ERRFI1: variants seen among roughly 807,000 people sequenced by gnomAD.
ERRFI1 encodes the protein ERBB receptor feedback inhibitor 1, also known as mitogen-inducible gene 6 protein.
In ERRFI1, 12 loss-of-function variants were observed where a neutral mutation model predicts 14.6. The ratio of observed to expected loss-of-function variants is 0.82; its 90% CI spans 0.53 to 1.33. The LOEUF (loss-of-function observed/expected upper bound fraction) is 1.33. Among genes scored for constraint, ERRFI1 ranks in the 40% most tolerant of loss-of-function variants. ERRFI1 has a pLI of 0.00. For missense variants in ERRFI1, 482 were observed against 572.1 expected (o/e 0.84, Z 1.61); for synonymous variants, 202 against 209.9 (o/e 0.96, Z 0.32).
intron 1 of ERRFI1, among the ~76,000 whole-genome samples, chr1:8,019,736 A>C (rs957869277): frequency 6.6e-6 from 1 of 152,212 alleles, no homozygotes; most frequent in African/African-American, 2.4e-5. Context: ...CAACCTTAGG[A>C]TATGTAACAG....
At chr1:8,025,611 A>C (rs1641334360) in intron 1 of ERRFI1, among the ~76,000 whole-genome samples, 1 of 152,090 alleles carries the variant, frequency 6.6e-6, no homozygotes, top group African/African-American at 2.4e-5. Context: ...TCAAGACAGG[A>C]TTTACGGGTA....
chr1:8,023,232 C>G (rs1334119582), intron 1 of ERRFI1, among the ~76,000 whole-genome samples: 1 of 152,140 alleles, frequency 6.6e-6, no homozygotes, highest in Non-Finnish European at 1.5e-5. Flanking sequence ...CCTATTGTTT[C>G]CAAGTTGAAA....
intron 1 of ERRFI1, among the ~76,000 whole-genome samples, chr1:8,020,430 G>A (rs1641258661): frequency 6.6e-6 from 1 of 151,958 alleles, no homozygotes; most frequent in African/African-American, 2.4e-5. Flanking sequence ...TTAGGAATAT[G>A]ACAAACTCCA....
At position 8,013,126 on chromosome 1, in the gene ERRFI1, G is replaced by A; in HGVS notation, c.*84C>T. On this transcript the variant is annotated 3_prime_UTR_variant, in exon 4 of 4. Transcript: ENST00000377482. This position sits in a 1 kb window ranked among gnomAD's most constrained non-coding sequence, Gnocchi z 4.3. ...AACTATTTTATTTTGCAATCTAAGG[G>A]ATTTTTCTCTGCACTTCAATCAAAC... is the stretch of plus-strand genomic sequence containing the variant. 1.7e-6 allele frequency: 2 copies of A among 1,196,914 alleles called. No individual in the cohort carries two copies. Among genetic ancestry groups the A allele is most frequent in the Non-Finnish European group, 2.4e-6 (2 of 849,568 alleles). The allele number at this position is 1,196,914 out of a possible 1,614,324, so 74.1% of individuals were successfully genotyped here. A position where few individuals can be genotyped will look rare whatever the true frequency, so the allele number is the denominator to read the frequency against.
In ERRFI1 at chr1:8,012,610, T is replaced by C. The variant is rs895999349; in HGVS notation, c.*600A>G. ...AACCTGGAAGTATGAGGCCTTGGTA[T>C]GATTTTTAACCTAAGCAGGTACACC... On this transcript the variant is annotated 3_prime_UTR_variant, in exon 4 of 4. Coordinates refer to ENST00000377482, the MANE Select transcript of ERRFI1 (RefSeq NM_018948.4). 3 of 227,618 alleles carry C rather than the reference T, an allele frequency of 1.3e-5. No individual in the cohort carries two copies. The highest frequency in any genetic ancestry group is 4.4e-5 in the African/African-American group (2 of 45,032). 14.1% of individuals were successfully genotyped at this position (227,618 alleles called of 1,614,324 possible).
At chr1:8,017,421 C>T (rs1033488838) in intron 1 of ERRFI1, among the ~76,000 whole-genome samples, 1 of 152,080 alleles carries the variant, frequency 6.6e-6, no homozygotes, top group Non-Finnish European at 1.5e-5. Context: ...ATAAAGAAAA[C>T]ATTGTCATTT....
chr1:8,025,428 A>C (rs1055462023), intron 1 of ERRFI1, among the ~76,000 whole-genome samples: 1 of 152,238 alleles, frequency 6.6e-6, no homozygotes, highest in East Asian at 1.9e-4. Context: ...CTCAGAGCAA[A>C]GAATCACGTT....
At chr1:8,020,326 CCATTT>C (rs1641257533) in intron 1 of ERRFI1, among the ~76,000 whole-genome samples, 1 of 151,966 alleles carries the variant, frequency 6.6e-6, no homozygotes, top group South Asian at 2.1e-4. Flanking sequence ...CTTTTCAGTT[CCATTT>C]AAGAATCACC....
At chr1:8,017,984 G>A (rs1398051004) in intron 1 of ERRFI1, among the ~76,000 whole-genome samples, 1 of 152,058 alleles carries the variant, frequency 6.6e-6, no homozygotes, top group African/African-American at 2.4e-5. Context: ...CTACTTGTTA[G>A]CTTTCTTAAG....
rs971892363 is a variant in ERRFI1, at chr1:8,012,430, G to A, written c.*780C>T. On this transcript the variant is annotated 3_prime_UTR_variant, in exon 4 of 4. Transcript: ENST00000377482. ...CCTCTAATACGGCCCGCACTACGAT[G>A]AGCTACTTCAGTGGGTGGGACCAAG... The A allele has an allele frequency of 1.7e-5, 4 of 230,576 alleles. No homozygotes were observed. The highest frequency in any genetic ancestry group is 3.4e-5 in the Non-Finnish European group (4 of 116,066). 14.3% of individuals were successfully genotyped at this position (230,576 alleles called of 1,614,324 possible).
At chr1:8,022,554 G>A (rs1258604788) in intron 1 of ERRFI1, among the ~76,000 whole-genome samples, 1 of 152,188 alleles carries the variant, frequency 6.6e-6, no homozygotes. Flanking sequence ...GCAAAAGGGC[G>A]ATCATGGCTC....
chr1:8,013,407 G>T lies in ERRFI1; in HGVS notation c.1192C>A (p.Pro398Thr). 1 of 1,614,180 alleles carries T rather than the reference G, an allele frequency of 6.2e-7. No homozygotes were observed. The highest frequency in any genetic ancestry group is 8.5e-7 in the Non-Finnish European group (1 of 1,180,036). ...TTGTCCAGGTATGGTGGTCGTTCAG[G>T]TAGTAGGTAATAATGTGTTGAACTA... ...KVSSTHYYLLPERPPYLDKYE... is the reference protein window; with the variant it reads ...KVSSTHYYLLTERPPYLDKYE... Residue 398 changes from proline (P) to threonine (T), a missense_variant, in exon 4 of 4, where the codon CCT (proline) becomes ACT (threonine). Transcript: ENST00000377482. This position sits in a 1 kb window ranked among gnomAD's most constrained non-coding sequence, Gnocchi z 4.3.
chr1:8,021,974 T>C (rs1641279509), intron 1 of ERRFI1, among the ~76,000 whole-genome samples: 1 of 152,164 alleles, frequency 6.6e-6, no homozygotes, highest in African/African-American at 2.4e-5. Flanking sequence ...CTTGTAAGGG[T>C]AGCACAGATC....
chr1:8,015,351 G>A lies in ERRFI1; in HGVS notation c.159C>T (p.Ala53=). ...NFLNIDPITM[A]YSLNSSAQER... ...CCTGAGCAGAAGAGTTCAGACTGTAGGCCATGGTTATCGGGTCAATATTTA... is the reference window on the plus strand; with the variant it reads ...CCTGAGCAGAAGAGTTCAGACTGTAAGCCATGGTTATCGGGTCAATATTTA... The change falls in exon 3 of 4, where the codon GCC becomes GCT. Residue 53 remains alanine (A), a synonymous_variant. Transcript: ENST00000377482. 6.2e-7 allele frequency: 1 copy of A among 1,614,184 alleles called. No homozygotes were observed. The highest frequency in any genetic ancestry group is 8.5e-7 in the Non-Finnish European group (1 of 1,179,996).
At chr1:8,018,788 C>A (rs917768364) in intron 1 of ERRFI1, among the ~76,000 whole-genome samples, 2 of 152,220 alleles carry the variant, frequency 1.3e-5, no homozygotes, top group Non-Finnish European at 2.9e-5. Context: ...GCCCTAAAAT[C>A]ATTTGCTTCT....
rs12123551 is a variant in ERRFI1 at position 8,025,681 on chromosome 1, C to T, written c.-74+477G>A. Among the ~76,000 whole-genome samples, 444 of 152,288 alleles carry T rather than the reference C, an allele frequency of 2.9e-3. 1 individual carries two copies. Among genetic ancestry groups the T allele is most frequent in the Non-Finnish European group, 5.1e-3 (346 of 67,992 alleles). Reference sequence around the variant, plus strand: ...ACAAATAAAAAAAAAATCAAACAAGCCCCCAGGCCCGAAGACGCTCATCCC... The same window carrying T: ...ACAAATAAAAAAAAAATCAAACAAGTCCCCAGGCCCGAAGACGCTCATCCC... On this transcript the variant is annotated intron_variant, in intron 1 of 3. Transcript: ENST00000377482.
At chr1:8,017,116 T>A (rs902621039) in intron 1 of ERRFI1, among the ~76,000 whole-genome samples, 3 of 151,854 alleles carry the variant, frequency 2.0e-5, no homozygotes, top group Non-Finnish European at 4.4e-5. Flanking sequence ...ATCAACTCAA[T>A]ATACACATTG....
chr1:8,023,587 C>G (rs1287333118), intron 1 of ERRFI1, among the ~76,000 whole-genome samples: 1 of 152,186 alleles, frequency 6.6e-6, no homozygotes, highest in African/African-American at 2.4e-5. Flanking sequence ...CCAAAAGCCC[C>G]ACATTTTAAA....
chr1:8,013,135 C>G lies in ERRFI1; in HGVS notation c.*75G>C. On this transcript the variant is annotated 3_prime_UTR_variant, in exon 4 of 4. Transcript: ENST00000377482. This position sits in a 1 kb window ranked among gnomAD's most constrained non-coding sequence, Gnocchi z 4.3. ...ATTTTGCAATCTAAGGGATTTTTCT[C>G]TGCACTTCAATCAAACTGGAAAATT... is the stretch of plus-strand genomic sequence containing the variant. 1 of 1,299,756 alleles carries G rather than the reference C, an allele frequency of 7.7e-7. No homozygotes were observed. Among genetic ancestry groups the G allele is most frequent in the Non-Finnish European group, 1.1e-6 (1 of 939,810 alleles). The allele number at this position is 1,299,756 out of a possible 1,614,324, so 80.5% of individuals were successfully genotyped here. A position where few individuals can be genotyped will look rare whatever the true frequency, so the allele number is the denominator to read the frequency against.
Sources: allele counts gnomAD v4.1 joint callset (sites outside exome capture counted in the v4.1 genomes callset), GRCh38; gene constraint gnomAD v4.1.1; non-coding constraint Gnocchi (gnomAD v3.1); transcripts MANE v1.5; gene names NCBI Gene and HGNC (gene_info 2026-07-23, HGNC 2026-07-21).